Variants in PYGB observed in about 807,000 individuals in gnomAD.
PYGB encodes the protein glycogen phosphorylase B, also known as glycogen phosphorylase, brain form.
Under a neutral mutation model 94.3 loss-of-function variants are expected in PYGB, and 82 were observed. The ratio of observed to expected loss-of-function variants is 0.87; its 90% confidence interval spans 0.73 to 1.04. The LOEUF (loss-of-function observed/expected upper bound fraction) is 1.04. Among genes scored for constraint, PYGB ranks in the 50% least tolerant of loss-of-function variants. The probability of loss-of-function intolerance (pLI) is 0.00; values close to 1 mark genes in which losing one functional copy is unlikely to be tolerated. For synonymous variants in PYGB, 488 were observed against 479.1 expected, an observed-to-expected ratio of 1.02 and a Z score of -0.24; for missense variants, 1,132 against 1,158.2, an observed-to-expected ratio of 0.98 and a Z score of 0.33.
chr20:25,268,166 C>CCG (rs1555806035), intron 2 of PYGB, among the ~76,000 whole-genome samples: 6 of 83,308 alleles, frequency 7.2e-5, no homozygotes, highest in Non-Finnish European at 1.2e-4. Context: ...CACCCGCCCC[C>CCG]CCCCCATATC....
chr20:25,252,450 G>T (rs747079800), intron 1 of PYGB, among the ~76,000 whole-genome samples: 2 of 152,072 alleles, frequency 1.3e-5, no homozygotes, highest in Non-Finnish European at 2.9e-5. Context: ...ATGTAGCCTC[G>T]GATCCCACAG....
rs139522699 is a variant in PYGB at position 25,287,431 on chromosome 20, T to C, written c.1769-994T>C. 4.8e-3 allele frequency among the ~76,000 whole-genome samples: 724 copies of C among 152,032 alleles called. 9 individuals carry two copies. Among genetic ancestry groups the C allele is most frequent in the African/African-American group, 0.017 (688 of 41,478 alleles). On this transcript the variant is annotated intron_variant, in intron 14 of 19. Coordinates refer to ENST00000216962, the MANE Select transcript of PYGB (RefSeq NM_002862.4). ...AGGCTGAGGCCTGATGACTGTTTGA[T>C]GCCAGGAGTTTGAGACTGGTCTGGG...
At chr20:25,275,271 G>C (rs1481744525) in intron 5 of PYGB, among the ~76,000 whole-genome samples, 1 of 152,264 alleles carries the variant, frequency 6.6e-6, no homozygotes, top group Non-Finnish European at 1.5e-5. Flanking sequence ...GCAGGGTGCT[G>C]ATGGGGAATC....
At chr20:25,294,000 A>G in intron 17 of PYGB, 158 bp from the exon 18 acceptor site, 2 of 942,064 alleles carry the variant, frequency 2.1e-6, no homozygotes, top group Middle Eastern at 6.6e-4. Flanking sequence ...AGGGCCTCGT[A>G]ACCACCCATG....
chr20:25,284,275 G>A (rs747001682), intron 14 of PYGB, 24 bp downstream of exon 14: 8 of 1,603,830 alleles, frequency 5.0e-6, no homozygotes, highest in South Asian at 3.4e-5. Flanking sequence ...TCACCTGCAT[G>A]ACCGCGCTGT....
chr20:25,248,648 C>T (rs1288745546), intron 1 of PYGB, among the ~76,000 whole-genome samples: 1 of 151,006 alleles, frequency 6.6e-6, no homozygotes, highest in African/African-American at 2.5e-5. Flanking sequence ...ACTGGGAGCC[C>T]GCGCCTGGCG....
chr20:25,272,890 G>C (rs1232651906), intron 4 of PYGB, among the ~76,000 whole-genome samples: 1 of 152,236 alleles, frequency 6.6e-6, no homozygotes, highest in Non-Finnish European at 1.5e-5. Flanking sequence ...GCTGGTGTTA[G>C]GGTTTCCAGC....
intron 2 of PYGB, 96 bp downstream of exon 2, chr20:25,259,434 T>A: frequency 1.1e-6 from 1 of 925,814 alleles, no homozygotes; most frequent in Non-Finnish European, 1.7e-6. Flanking sequence ...ATGTTAAGAC[T>A]AGCAGCTATC....
chr20:25,276,157 G>A (rs1445559350), intron 5 of PYGB, among the ~76,000 whole-genome samples: 1 of 152,192 alleles, frequency 6.6e-6, no homozygotes, highest in Non-Finnish European at 1.5e-5. Flanking sequence ...TGGGAACATG[G>A]AGGGTAGCAG....
At chr20:25,268,360 A>G (rs545164218) in intron 2 of PYGB, among the ~76,000 whole-genome samples, 2 of 151,334 alleles carry the variant, frequency 1.3e-5, no homozygotes, top group East Asian at 1.9e-4. Flanking sequence ...ACTCTTCTCA[A>G]TGGATATTTT....
chr20:25,248,199 C>G lies in PYGB; in HGVS notation c.21C>G (p.Asp7Glu), dbSNP rs2123497912. The change falls in exon 1 of 20, where the codon GAC becomes GAG. Residue 7 changes from aspartate (D) to glutamate (E), a missense_variant. Physicochemically the swap from Asp to Glu is conservative, Grantham distance 45. Coordinates refer to ENST00000216962, the MANE Select transcript of PYGB (RefSeq NM_002862.4). ...GCGCGATGGCGAAGCCGCTGACGGA[C>G]AGCGAGAAGCGGAAGCAGATCAGCG... MAKPLT[D>E]SEKRKQISVR... is the part of the protein sequence containing the mutation. 1 of 1,591,412 alleles carries G rather than the reference C, an allele frequency of 6.3e-7. No individual in the cohort carries two copies. Among genetic ancestry groups the G allele is most frequent in the Non-Finnish European group, 8.6e-7 (1 of 1,169,444 alleles).
intron 2 of PYGB, among the ~76,000 whole-genome samples, chr20:25,260,760 G>T (rs1023741831): frequency 6.6e-6 from 1 of 152,206 alleles, no homozygotes; most frequent in Non-Finnish European, 1.5e-5. Context: ...GGCACCTGGA[G>T]AATCAGATCA....
At chr20:25,264,164 T>A (rs1285978605) in intron 2 of PYGB, among the ~76,000 whole-genome samples, 1 of 152,034 alleles carries the variant, frequency 6.6e-6, no homozygotes, top group African/African-American at 2.4e-5. Context: ...ATAAACAGAA[T>A]CAAAGACAAA....
rs921750353 is a variant in PYGB at position 25,252,257 on chromosome 20, A to G, written c.243+3836A>G. ...GGAGAAGCCTACAGTGTGTGCCTTC[A>G]TTTTCTGCAGAAGACAGCCTGGCCT... On this transcript the variant is annotated intron_variant, in intron 1 of 19. Transcript: ENST00000216962. Among the ~76,000 whole-genome samples the G allele has an allele frequency of 8.5e-5, 13 of 152,202 alleles. 1 individual carries two copies. The South Asian group carries it at 2.7e-3, about 32-fold the overall frequency.
chr20:25,250,095 C>T (rs2092883353), intron 1 of PYGB, among the ~76,000 whole-genome samples: 3 of 152,140 alleles, frequency 2.0e-5, no homozygotes, highest in South Asian at 4.1e-4. Flanking sequence ...GTGATCCGCC[C>T]GCCTCGGCCT....
intron 17 of PYGB, chr20:25,293,903 G>T: frequency 1.9e-6 from 1 of 529,592 alleles, no homozygotes. Context: ...AGATCTGCTA[G>T]TGATGACATT....
rs1479390384 is a variant in PYGB at position 25,296,597 on chromosome 20, C to G, written c.*75C>G. On this transcript the variant is annotated 3_prime_UTR_variant, in exon 20 of 20. Transcript: ENST00000216962. ...TTGCACCTCCTTTTTTCCCCAAACA[C>G]TTTGCCAGCCACTGGTGGTCCCTGC... 6.6e-7 allele frequency: 1 copy of G among 1,519,056 alleles called. No homozygotes were observed. Among genetic ancestry groups the G allele is most frequent in the Admixed American group, 1.8e-5 (1 of 54,600 alleles). The allele number at this position is 1,519,056 out of a possible 1,614,324, so 94.1% of individuals were successfully genotyped here.
intron 5 of PYGB, among the ~76,000 whole-genome samples, chr20:25,275,337 G>C (rs769720482): frequency 6.6e-6 from 1 of 152,252 alleles, no homozygotes; most frequent in Non-Finnish European, 1.5e-5. Context: ...CAGAGGCCAC[G>C]TGAGGGAGCA....
rs571566326 is a variant in PYGB at position 25,292,989 on chromosome 20, A to C, written c.2177+376A>C. ...ATGGGCTGGGGCTGGGCAGGACCCC[A>C]CTGCCAGGGGCGCTCTGCCGGGAGC... On this transcript the variant is annotated intron_variant, in intron 17 of 19. Coordinates refer to ENST00000216962, the MANE Select transcript of PYGB (RefSeq NM_002862.4). 7.0e-3 allele frequency among the ~76,000 whole-genome samples: 1,070 copies of C among 152,266 alleles called. 13 individuals carry two copies. Among genetic ancestry groups the C allele is most frequent in the African/African-American group, 0.022 (903 of 41,540 alleles).
Sources: gnomAD v4.1 joint callset for allele counts (sites outside exome capture counted in the v4.1 genomes callset) on GRCh38, gnomAD v4.1.1 for gene constraint, MANE v1.5 for transcripts, NCBI Gene and HGNC (gene_info 2026-07-23, HGNC 2026-07-21) for gene names.